NAA60: variants seen among roughly 807,000 people sequenced by gnomAD.
NAA60 encodes the protein N-alpha-acetyltransferase 60, NatF catalytic subunit.
In NAA60, 8 loss-of-function variants were observed where a neutral mutation model predicts 26.1. The ratio of observed to expected loss-of-function variants is 0.31; its 90% confidence interval spans 0.18 to 0.55. The LOEUF is 0.55. Among genes scored for constraint, NAA60 ranks in the 20% least tolerant of loss-of-function variants. NAA60 has a pLI of 0.93. For missense variants in NAA60, 290 were observed against 311.3 expected, an observed-to-expected ratio of 0.93 and a Z score of 0.51; for synonymous variants, 131 against 122.5, an observed-to-expected ratio of 1.07 and a Z score of -0.46.
chr16:3,476,628 C>G (rs1354702147), intron 3 of NAA60, among the ~76,000 whole-genome samples: 13 of 151,860 alleles, frequency 8.6e-5, no homozygotes, highest in Admixed American at 4.6e-4. Flanking sequence ...AGAAGCCACT[C>G]AAGTATCTTC....
intron 3 of NAA60, 52 bp from the exon 4 acceptor site, chr16:3,479,419 A>G (rs961752997): frequency 3.1e-6 from 5 of 1,600,002 alleles, no homozygotes; most frequent in Non-Finnish European, 4.3e-6. Context: ...GAGCACGACC[A>G]TAGTTGGACT....
chr16:3,454,200 G>A (rs2150951697), intron 2 of NAA60, among the ~76,000 whole-genome samples: 1 of 152,288 alleles, frequency 6.6e-6, no homozygotes, highest in South Asian at 2.1e-4. Context: ...CTATCTCCAA[G>A]GCTGAAAGAG....
intron 2 of NAA60, among the ~76,000 whole-genome samples, chr16:3,468,704 T>C (rs2035923214): frequency 6.6e-6 from 1 of 152,212 alleles, no homozygotes; most frequent in Admixed American, 6.5e-5. Context: ...AGAACTGCGA[T>C]GCAGACCCAG....
At chr16:3,482,335 C>G (rs1294175834) in intron 4 of NAA60, among the ~76,000 whole-genome samples, 167 bp from the exon 5 acceptor site, 1 of 152,190 alleles carries the variant, frequency 6.6e-6, no homozygotes, top group Non-Finnish European at 1.5e-5. Flanking sequence ...GCTCTCATTT[C>G]CTTGGGGAGT....
chr16:3,472,255 A>T (rs1489920416), intron 2 of NAA60: 1 of 152,142 alleles, frequency 6.6e-6, no homozygotes, highest in Non-Finnish European at 1.5e-5. Context: ...CCCGTGGCCC[A>T]TGGTGGCAGC....
intron 2 of NAA60, among the ~76,000 whole-genome samples, chr16:3,461,951 G>GT: frequency 6.6e-6 from 1 of 152,182 alleles, no homozygotes; most frequent in South Asian, 2.1e-4. Flanking sequence ...GCCAGGCATG[G>GT]TGGTGCGCAT....
At chr16:3,485,084 G>T in intron 7 of NAA60, 23 bp downstream of exon 7, 2 of 1,359,484 alleles carry the variant, frequency 1.5e-6, no homozygotes, top group Non-Finnish European at 2.0e-6. Context: ...AGACACAAAG[G>T]TATGGGAGCT....
chr16:3,446,771 C>A (rs1183402325), intron 1 of NAA60, among the ~76,000 whole-genome samples: 2 of 151,892 alleles, frequency 1.3e-5, no homozygotes, highest in East Asian at 3.9e-4. Context: ...CCACCACAAC[C>A]ATTTAATTTT....
rs572415928 is a variant in NAA60 at position 3,484,835 on chromosome 16, G to A, written c.709G>A (p.Glu237Lys). ...WSGISSKSGI[E>K]YSRTM ...GGGCATCTCTTCCAAGAGTGGCATC[G>A]AGTACAGCCGGACCATGTGATGTCG... is the stretch of plus-strand genomic sequence containing the variant. Residue 237 changes from glutamate to lysine, a missense_variant, in exon 7 of 8, where the codon GAG becomes AAG. Glu to Lys is a moderately conservative substitution (Grantham distance 56). Coordinates refer to ENST00000407558, the MANE Select transcript of NAA60 (RefSeq NM_001083601.3). 2.1e-4 allele frequency: 321 copies of A among 1,564,746 alleles called. 1 individual carries two copies. Among genetic ancestry groups the A allele is most frequent in the South Asian group, 1.8e-3 (154 of 85,084 alleles).
At chr16:3,453,913 T>C (rs1005623784) in intron 2 of NAA60, among the ~76,000 whole-genome samples, 5 of 152,118 alleles carry the variant, frequency 3.3e-5, no homozygotes, top group Non-Finnish European at 7.4e-5. Context: ...AGAGCTTGCG[T>C]AGGGCCATTG....
chr16:3,458,012 A>C (rs17525883), intron 2 of NAA60: 52,602 of 985,216 alleles, frequency 0.053, 1,718 homozygotes, highest in South Asian at 0.17. Flanking sequence ...CGCTGCCGGC[A>C]GGGAGCGGGA....
chr16:3,452,782 C>CT lies in NAA60; in HGVS notation c.-7+4243dup, dbSNP rs1185725704. On this transcript the variant is annotated intron_variant, in intron 2 of 7. Coordinates refer to ENST00000407558, the MANE Select transcript of NAA60 (RefSeq NM_001083601.3). ...CCAGCCTGGGCAACATAGTGAGACT[C>CT]TGTCTCTACAAAAAAATGAAAAATT... is the stretch of plus-strand genomic sequence containing the variant. Among the ~76,000 whole-genome samples, 6 of 151,760 alleles carry CT rather than the reference C, an allele frequency of 4.0e-5. No homozygotes were observed. In the East Asian group the frequency reaches 9.8e-4, roughly 25 times the overall value.
intron 1 of NAA60, chr16:3,447,661 T>C: frequency 1.0e-6 from 1 of 983,718 alleles, no homozygotes; most frequent in Non-Finnish European, 1.2e-6. Flanking sequence ...GCAAGAGGTT[T>C]TCTTACTGGT....
intron 2 of NAA60, among the ~76,000 whole-genome samples, chr16:3,451,112 T>C (rs1316882153): frequency 6.6e-6 from 1 of 152,240 alleles, no homozygotes; most frequent in Non-Finnish European, 1.5e-5. Flanking sequence ...TCAGATTGTC[T>C]TGTAATCACG....
intron 6 of NAA60, among the ~76,000 whole-genome samples, chr16:3,484,359 G>GC (rs2037039961): frequency 6.6e-6 from 1 of 152,172 alleles, no homozygotes. Context: ...CCCTCTTGCT[G>GC]CCACAAAGGT....
At chr16:3,459,968 A>C (rs1168754046) in intron 2 of NAA60, among the ~76,000 whole-genome samples, 1 of 152,224 alleles carries the variant, frequency 6.6e-6, no homozygotes, top group African/African-American at 2.4e-5. Flanking sequence ...AGATACTTAC[A>C]CCTAAAAGGA....
chr16:3,469,278 G>C (rs1204483677), intron 2 of NAA60, among the ~76,000 whole-genome samples: 2 of 135,418 alleles, frequency 1.5e-5, no homozygotes, highest in East Asian at 2.6e-4. Flanking sequence ...TCAGAGCAGA[G>C]AGCACCTGCC....
intron 3 of NAA60, 25 bp downstream of exon 3, chr16:3,476,362 G>A: frequency 5.0e-6 from 8 of 1,598,318 alleles, no homozygotes; most frequent in Non-Finnish European, 6.0e-6. Context: ...TTGCAGGGTT[G>A]GGGAGAGCCC....
intron 2 of NAA60, among the ~76,000 whole-genome samples, chr16:3,451,919 A>T (rs1308990357): frequency 6.7e-6 from 1 of 149,842 alleles, no homozygotes; most frequent in Non-Finnish European, 1.5e-5. Flanking sequence ...CCCTGTCTCA[A>T]AAAAAAAAAT....
Sources: allele counts gnomAD v4.1 joint callset (sites outside exome capture counted in the v4.1 genomes callset), GRCh38; gene constraint gnomAD v4.1.1; transcripts MANE v1.5; gene names NCBI Gene and HGNC (gene_info 2026-07-23, HGNC 2026-07-21).